The following OR6C4 variants were observed in gnomAD, a reference collection of about 807,000 sequenced individuals.
OR6C4 encodes olfactory receptor 6C4.
Under a neutral mutation model 15.1 loss-of-function variants are expected in OR6C4, and 20 were observed. The ratio of observed to expected loss-of-function variants is 1.32; its 90% CI spans 0.93 to 1.92. The LOEUF is 1.92. Ranked by LOEUF, OR6C4 falls within the 30% of genes most tolerant of loss-of-function variation. The probability of loss-of-function intolerance (pLI) is 0.00; values close to 1 mark genes in which losing one functional copy is unlikely to be tolerated. For missense variants in OR6C4, 491 were observed against 363.2 expected, an observed-to-expected ratio of 1.35 and a Z score of -2.86; for synonymous variants, 179 against 134.2, an observed-to-expected ratio of 1.33 and a Z score of -2.31.
In OR6C4 at chr12:55,550,522, T is replaced by C. The variant is rs954156728; in HGVS notation, c.-19+404T>C. On this transcript the variant is annotated intron_variant, in intron 1 of 1. Coordinates refer to ENST00000641569, the MANE Select transcript of OR6C4 (RefSeq NM_001005494.2). ...CTGCTTACAGAGTTCTCAAAATTTC[T>C]CTTCTCCGAGACATATCTCAAATCA... Among the ~76,000 whole-genome samples, 4 of 152,148 alleles carry C rather than the reference T, an allele frequency of 2.6e-5. 1 individual carries two copies. Among genetic ancestry groups the C allele is most frequent in the African/African-American group, 9.7e-5 (4 of 41,440 alleles).
chr12:55,550,958 G>GA (rs918484484), intron 1 of OR6C4, among the ~76,000 whole-genome samples: 122 of 151,640 alleles, frequency 8.0e-4, no homozygotes, highest in East Asian at 2.1e-3. Context: ...CTATTTTTCT[G>GA]AAAAAAAATG....
chr12:55,549,911 A>G lies in OR6C4; in HGVS notation c.-226A>G, dbSNP rs1873811340. 1 of 152,186 alleles carries G rather than the reference A, an allele frequency of 6.6e-6. No homozygotes were observed. Among genetic ancestry groups the G allele is most frequent in the Non-Finnish European group, 1.5e-5 (1 of 68,024 alleles). The allele number at this position is 152,186 out of a possible 1,614,324, so 9.4% of individuals were successfully genotyped here. A position where few individuals can be genotyped will look rare whatever the true frequency, so the allele number is the denominator to read the frequency against. On this transcript the variant is annotated 5_prime_UTR_variant, in exon 1 of 2. Coordinates refer to ENST00000641569, the MANE Select transcript of OR6C4 (RefSeq NM_001005494.2). ...TAGAAAACATGTTAAAGTATATACT[A>G]CTCAAAGATTCACGTGGCACATCTC... is the stretch of plus-strand genomic sequence containing the variant.
In OR6C4 at chr12:55,551,798, G is replaced by A. The variant is rs1873875129; in HGVS notation, c.572G>A (p.Ser191Asn). ...GTGGAGCTTGCCTGCTCAGACACAA[G>A]CCTCTTAGAACTGATGGTCATCCTC... ...PLVELACSDT[S>N]LLELMVILLA... Residue 191 changes from serine to asparagine, a missense_variant, in exon 2 of 2, where the codon AGC becomes AAC. Transcript: ENST00000641569. 6.2e-7 allele frequency: 1 copy of A among 1,611,806 alleles called. No individual in the cohort carries two copies. The highest frequency in any genetic ancestry group is 8.5e-7 in the Non-Finnish European group (1 of 1,179,886).
At position 55,551,611 on chromosome 12, in the gene OR6C4, C is replaced by A; in HGVS notation, c.385C>A (p.His129Asn). The change falls in exon 2 of 2, where the codon CAT (histidine) becomes AAT (asparagine). Residue 129 changes from histidine to asparagine, a missense_variant. His to Asn is a moderately conservative substitution (Grantham distance 68). Transcript: ENST00000641569. ...TTATGTGGCCATCTGCAAACCCTTG[C>A]ATTACCTGACTATTATGAGCAGCAG... ...DRYVAICKPL[H>N]YLTIMSSRVC... 1.2e-6 allele frequency: 2 copies of A among 1,613,970 alleles called. No homozygotes were observed. The highest frequency in any genetic ancestry group is 1.7e-6 in the Non-Finnish European group (2 of 1,179,932).
Position 55,551,495 on chromosome 12 carries a change from T to C in OR6C4, c.269T>C (p.Ile90Thr), listed in dbSNP as rs1174913752. ...AGCATGACAACAGGAAATAAAGTTA[T>C]CAGCTTTGCTGGCTGCTTGACTCAG... ...LTSMTTGNKV[I>T]SFAGCLTQYF... Residue 90 changes from isoleucine to threonine, a missense_variant, in exon 2 of 2, where the codon ATC becomes ACC. Transcript: ENST00000641569. The C allele has an allele frequency of 1.1e-5, 18 of 1,613,946 alleles. No individual in the cohort carries two copies. Among genetic ancestry groups the C allele is most frequent in the Non-Finnish European group, 1.5e-5 (18 of 1,179,928 alleles).
rs1211585550 is a variant in OR6C4, at chr12:55,552,539, C to T, written c.*383C>T. On this transcript the variant is annotated 3_prime_UTR_variant, in exon 2 of 2. Coordinates refer to ENST00000641569, the MANE Select transcript of OR6C4 (RefSeq NM_001005494.2). ...AGATCATAAAAGTAAGTAATTACAA[C>T]TACTGAGTTAGCTGGGTTTCATGAG... 6.0e-6 allele frequency: 1 copy of T among 167,196 alleles called. No individual in the cohort carries two copies. The highest frequency in any genetic ancestry group is 2.4e-5 in the African/African-American group (1 of 41,522). 10.4% of individuals were successfully genotyped at this position (167,196 alleles called of 1,614,324 possible). A position where few individuals can be genotyped will look rare whatever the true frequency, so the allele number is the denominator to read the frequency against.
intron 1 of OR6C4, among the ~76,000 whole-genome samples, chr12:55,550,862 G>A (rs1873835004): frequency 6.6e-6 from 1 of 152,152 alleles, no homozygotes; most frequent in African/African-American, 2.4e-5. Context: ...ACAGAATTAG[G>A]AGAGCTTATA....
rs1873900401 is a variant in OR6C4 at position 55,552,401 on chromosome 12, C to T, written c.*245C>T. On this transcript the variant is annotated 3_prime_UTR_variant, in exon 2 of 2. Transcript: ENST00000641569. The stretch of plus-strand genomic sequence containing the variant: ...GAGTGAATGGGGATCTGAAAAGGAA[C>T]AGTTGGAAAGAATTAGTTCTGTTTT... 1 of 347,386 alleles carries T rather than the reference C, an allele frequency of 2.9e-6. No homozygotes were observed. Among genetic ancestry groups the T allele is most frequent in the Non-Finnish European group, 5.1e-6 (1 of 196,246 alleles). 21.5% of individuals were successfully genotyped at this position (347,386 alleles called of 1,614,324 possible).
At position 55,552,364 on chromosome 12, in the gene OR6C4, G is replaced by A. The variant is rs1034581088; in HGVS notation, c.*208G>A. 4.6e-6 allele frequency: 2 copies of A among 438,578 alleles called. No homozygotes were observed. The highest frequency in any genetic ancestry group is 4.2e-5 in the Admixed American group (1 of 23,804). 27.2% of individuals were successfully genotyped at this position (438,578 alleles called of 1,614,324 possible). ...CAAAAAACAAAATAATATTTTAATT[G>A]TTATTAGAGAAGAGTGAATGGGGAT... On this transcript the variant is annotated 3_prime_UTR_variant, in exon 2 of 2. Transcript: ENST00000641569.
At position 55,551,716 on chromosome 12, in the gene OR6C4, G is replaced by A. The variant is rs758408855; in HGVS notation, c.490G>A (p.Val164Ile). Residue 164 changes from valine (V) to isoleucine (I), a missense_variant, in exon 2 of 2, where the codon GTA becomes ATA. Coordinates refer to ENST00000641569, the MANE Select transcript of OR6C4 (RefSeq NM_001005494.2). ...ACCACCAATCATCCTGATGACCCAGGTAGATTTCTGTGTCTCCAACATTCT... is the reference window on the plus strand; with the variant it reads ...ACCACCAATCATCCTGATGACCCAGATAGATTTCTGTGTCTCCAACATTCT... ...ILPPIILMTQ[V>I]DFCVSNILNH... 1.9e-6 allele frequency: 3 copies of A among 1,613,886 alleles called. No homozygotes were observed. Among genetic ancestry groups the A allele is most frequent in the Non-Finnish European group, 2.5e-6 (3 of 1,179,906 alleles).
Position 55,552,276 on chromosome 12 carries a change from A to C in OR6C4, c.*120A>C. On this transcript the variant is annotated 3_prime_UTR_variant, in exon 2 of 2. Transcript: ENST00000641569. ...TAGGAAAAGTATATGTCTTAATTTC[A>C]AGAAAACTATAGTCTAGAATCAAGG... The C allele has an allele frequency of 1.6e-6, 1 of 626,528 alleles. No individual in the cohort carries two copies. Among genetic ancestry groups the C allele is most frequent in the Middle Eastern group, 4.3e-4 (1 of 2,330 alleles). The allele number at this position is 626,528 out of a possible 1,614,324, so 38.8% of individuals were successfully genotyped here.
rs981642806 is a variant in OR6C4 at position 55,550,619 on chromosome 12, C to T, written c.-19+501C>T. On this transcript the variant is annotated intron_variant, in intron 1 of 1. Transcript: ENST00000641569. ...TAATATGACATATTGATGCTTGAACCTTGTTCATGTAGAGGAAAAGACTCA... is the reference window on the plus strand; with the variant it reads ...TAATATGACATATTGATGCTTGAACTTTGTTCATGTAGAGGAAAAGACTCA... Among the ~76,000 whole-genome samples, 5 of 152,206 alleles carry T rather than the reference C, an allele frequency of 3.3e-5. No homozygotes were observed. In the South Asian group the frequency reaches 6.2e-4, roughly 19 times the overall value.
chr12:55,551,398 T>C lies in OR6C4; in HGVS notation c.172T>C (p.Tyr58His). The C allele has an allele frequency of 6.2e-7, 1 of 1,613,896 alleles. No homozygotes were observed. Among genetic ancestry groups the C allele is most frequent in the Non-Finnish European group, 8.5e-7 (1 of 1,179,890 alleles). The change falls in exon 2 of 2, where the codon TAT becomes CAT. Residue 58 changes from tyrosine (Y) to histidine (H), a missense_variant. Coordinates refer to ENST00000641569, the MANE Select transcript of OR6C4 (RefSeq NM_001005494.2). ...AGACCCCCACCTCCAGACCCCCATG[T>C]ATTTCTTCCTCCGGAATTTCTCCTT... ...LLDPHLQTPM[Y>H]FFLRNFSFLE...
Position 55,551,878 on chromosome 12 carries a change from T to C in OR6C4, c.652T>C (p.Tyr218His). 1.2e-6 allele frequency: 2 copies of C among 1,613,802 alleles called. No homozygotes were observed. The highest frequency in any genetic ancestry group is 1.7e-6 in the Non-Finnish European group (2 of 1,179,900). Residue 218 changes from tyrosine (Y) to histidine (H), a missense_variant, in exon 2 of 2, where the codon TAC (tyrosine) becomes CAC (histidine). Coordinates refer to ENST00000641569, the MANE Select transcript of OR6C4 (RefSeq NM_001005494.2). ...GGTGCTGGTGACACTTTCTTACACATACATTATCAGGACTATTCTGAGGAT... is the reference window on the plus strand; with the variant it reads ...GGTGCTGGTGACACTTTCTTACACACACATTATCAGGACTATTCTGAGGAT... ...TLVLVTLSYT[Y>H]IIRTILRIPS...
At position 55,551,929 on chromosome 12, in the gene OR6C4, G is replaced by C. The variant is rs762001114; in HGVS notation, c.703G>C (p.Ala235Pro). 21 of 1,613,510 alleles carry C rather than the reference G, an allele frequency of 1.3e-5. No homozygotes were observed. The highest frequency in any genetic ancestry group is 1.6e-5 in the Non-Finnish European group (19 of 1,179,784). ...CCCTTCTGCCCAGCAAAGGACAAAG[G>C]CCTTTTCCACTTGTTCCTCCCACAT... ...RIPSAQQRTK[A>P]FSTCSSHMIV... Residue 235 changes from alanine to proline, a missense_variant, in exon 2 of 2, where the codon GCC becomes CCC. Ala to Pro is a conservative substitution (Grantham distance 27, BLOSUM62 -1). Coordinates refer to ENST00000641569, the MANE Select transcript of OR6C4 (RefSeq NM_001005494.2).
chr12:55,552,603 A>G lies in OR6C4; in HGVS notation c.*447A>G, dbSNP rs1873906526. The G allele has an allele frequency of 6.4e-6, 1 of 156,576 alleles. No homozygotes were observed. Among genetic ancestry groups the G allele is most frequent in the African/African-American group, 2.4e-5 (1 of 41,488 alleles). The allele number at this position is 156,576 out of a possible 1,614,324, so 9.7% of individuals were successfully genotyped here. A position where few individuals can be genotyped will look rare whatever the true frequency, so the allele number is the denominator to read the frequency against. On this transcript the variant is annotated 3_prime_UTR_variant, in exon 2 of 2. Coordinates refer to ENST00000641569, the MANE Select transcript of OR6C4 (RefSeq NM_001005494.2). ...AGAATTGTTTTGAGGAGAATGTAGT[A>G]TCAGCATTGTTCTTCAGCATGGAGC...
chr12:55,552,007 T>C lies in OR6C4; in HGVS notation c.781T>C (p.Ser261Pro). The C allele has an allele frequency of 6.2e-7, 1 of 1,613,818 alleles. No individual in the cohort carries two copies. Residue 261 changes from serine (S) to proline (P), a missense_variant, in exon 2 of 2, where the codon TCT (serine) becomes CCT (proline). By Grantham distance (74) the Ser-to-Pro change is moderately conservative (BLOSUM62 -1). Coordinates refer to ENST00000641569, the MANE Select transcript of OR6C4 (RefSeq NM_001005494.2). The part of the protein sequence containing the change: ...GSCMFMYINP[S>P]AKEGGAFNKG... ...CTGCATGTTTATGTACATTAATCCT[T>C]CTGCAAAAGAAGGAGGTGCTTTCAA...
chr12:55,552,393 A>C lies in OR6C4; in HGVS notation c.*237A>C. On this transcript the variant is annotated 3_prime_UTR_variant, in exon 2 of 2. Transcript: ENST00000641569. The stretch of plus-strand genomic sequence containing the variant: ...TTAGAGAAGAGTGAATGGGGATCTG[A>C]AAAGGAACAGTTGGAAAGAATTAGT... 2.7e-6 allele frequency: 1 copy of C among 366,562 alleles called. No individual in the cohort carries two copies. Among genetic ancestry groups the C allele is most frequent in the Non-Finnish European group, 4.8e-6 (1 of 207,912 alleles). 22.7% of individuals were successfully genotyped at this position (366,562 alleles called of 1,614,324 possible). A position where few individuals can be genotyped will look rare whatever the true frequency, so the allele number is the denominator to read the frequency against.
In OR6C4 at chr12:55,552,265, G is replaced by A. The variant is rs1437585094; in HGVS notation, c.*109G>A. On this transcript the variant is annotated 3_prime_UTR_variant, in exon 2 of 2. Transcript: ENST00000641569. ...GAAGATTAAAATAGGAAAAGTATAT[G>A]TCTTAATTTCAAGAAAACTATAGTC... 2 of 665,480 alleles carry A rather than the reference G, an allele frequency of 3.0e-6. No individual in the cohort carries two copies. Among genetic ancestry groups the A allele is most frequent in the Admixed American group, 3.4e-5 (1 of 29,780 alleles). 41.2% of individuals were successfully genotyped at this position (665,480 alleles called of 1,614,324 possible).
Sources: gnomAD v4.1 joint callset for allele counts (sites outside exome capture counted in the v4.1 genomes callset) on GRCh38, gnomAD v4.1.1 for gene constraint, MANE v1.5 for transcripts, NCBI Gene and HGNC (gene_info 2026-07-23, HGNC 2026-07-21) for gene names.